The following GADL1 variants were observed in gnomAD, a reference collection of about 807,000 sequenced individuals.
GADL1 encodes the protein GAD like acidic amino acid decarboxylase 1, also known as acidic amino acid decarboxylase GADL1.
Under a neutral mutation model 69.5 loss-of-function variants are expected in GADL1, and 71 were observed. The observed-to-expected ratio is 1.02, with a 90% CI of 0.84 to 1.25. The LOEUF (loss-of-function observed/expected upper bound fraction) is 1.25, where lower values mean the gene tolerates loss of function less well. Among genes scored for constraint, GADL1 ranks in the 50% most tolerant of loss-of-function variants. The pLI, the probability that GADL1 is intolerant of heterozygous loss-of-function variation, is 0.00. For missense variants in GADL1, 737 were observed against 631.8 expected (o/e 1.17, Z -1.79); for synonymous variants, 254 against 214.4 (o/e 1.18, Z -1.62).
chr3:30,756,484 A>G (rs531588811), intron 14 of GADL1, among the ~76,000 whole-genome samples: 10 of 152,314 alleles, frequency 6.6e-5, no homozygotes, highest in African/African-American at 2.4e-4. Context: ...GTGCCTTTGA[A>G]GTTCCTACTA....
At chr3:30,775,823 G>A (rs1220500447) in intron 14 of GADL1, among the ~76,000 whole-genome samples, 3 of 152,194 alleles carry the variant, frequency 2.0e-5, no homozygotes, top group Non-Finnish European at 2.9e-5. Context: ...CAGGCTGGGT[G>A]CGGTGGCTCA....
intron 6 of GADL1, among the ~76,000 whole-genome samples, chr3:30,845,716 G>T (rs1223420496): frequency 1.3e-5 from 2 of 152,138 alleles, no homozygotes; most frequent in East Asian, 1.9e-4. Context: ...GTACAAGAAA[G>T]TGTAATTAAT....
At position 30,726,197 on chromosome 3, in the gene GADL1, T is replaced by G. The variant is rs185729896; in HGVS notation, c.*2045A>C. 6.6e-6 allele frequency: 1 copy of G among 152,268 alleles called. No homozygotes were observed. Among genetic ancestry groups the G allele is most frequent in the African/African-American group, 2.4e-5 (1 of 41,562 alleles). 9.4% of individuals were successfully genotyped at this position (152,268 alleles called of 1,614,324 possible). A position where few individuals can be genotyped will look rare whatever the true frequency, so the allele number is the denominator to read the frequency against. On this transcript the variant is annotated 3_prime_UTR_variant, in exon 15 of 15. Transcript: ENST00000282538. Reference sequence around the variant, plus strand: ...AAAGACTAAACAAGAGAGTCCACTCTTTGCTATAACTGCTTTTTCCATTTT... The same window carrying G: ...AAAGACTAAACAAGAGAGTCCACTCGTTGCTATAACTGCTTTTTCCATTTT...
chr3:30,759,209 G>A (rs1696059922), intron 14 of GADL1, among the ~76,000 whole-genome samples: 1 of 152,110 alleles, frequency 6.6e-6, no homozygotes, highest in Non-Finnish European at 1.5e-5. Flanking sequence ...TTCTAGGGTA[G>A]GACTTAGACA....
intron 14 of GADL1, among the ~76,000 whole-genome samples, chr3:30,736,373 C>G (rs1482093602): frequency 6.6e-6 from 1 of 152,092 alleles, no homozygotes; most frequent in African/African-American, 2.4e-5. Flanking sequence ...CTCTTCCATT[C>G]AGAGCCGATA....
chr3:30,752,060 A>G (rs763963494), intron 14 of GADL1, among the ~76,000 whole-genome samples: 2 of 152,198 alleles, frequency 1.3e-5, no homozygotes, highest in South Asian at 2.1e-4. Context: ...ACCCAGGCCC[A>G]TGTGCTGAAA....
chr3:30,782,942 ACAAG>A (rs1348454495), intron 13 of GADL1, among the ~76,000 whole-genome samples: 2 of 152,200 alleles, frequency 1.3e-5, no homozygotes, highest in East Asian at 1.9e-4. Flanking sequence ...TTATTAGATT[ACAAG>A]ATAACAATGT....
intron 1 of GADL1, among the ~76,000 whole-genome samples, chr3:30,872,319 G>GT (rs2125541434): frequency 6.6e-6 from 1 of 151,990 alleles, no homozygotes; most frequent in Non-Finnish European, 1.5e-5. Context: ...CTCAGGAGCT[G>GT]TATCTTCCTT....
At chr3:30,728,707 G>A (rs542455277) in intron 14 of GADL1, among the ~76,000 whole-genome samples, 1 of 152,180 alleles carries the variant, frequency 6.6e-6, no homozygotes, top group Non-Finnish European at 1.5e-5. Flanking sequence ...GTATCTCAAG[G>A]TCCCAGGCAT....
chr3:30,861,608 T>G lies in GADL1; in HGVS notation c.195A>C (p.Thr65=). 1 of 1,547,830 alleles carries G rather than the reference T, an allele frequency of 6.5e-7. No homozygotes were observed. The highest frequency in any genetic ancestry group is 8.7e-7 in the Non-Finnish European group (1 of 1,145,202). The part of the protein sequence containing the change: ...LIMEEVVLKA[T]DVNEKVCEWR... Reference sequence around the variant, plus strand: ...TAATTTTTACCTTCTCATTGACATCTGTAGCTTTCAAAACCACCTCTTCCA... The same window carrying G: ...TAATTTTTACCTTCTCATTGACATCGGTAGCTTTCAAAACCACCTCTTCCA... Residue 65 remains threonine, a synonymous_variant, in exon 2 of 15, where the codon ACA becomes ACC. Coordinates refer to ENST00000282538, the MANE Select transcript of GADL1 (RefSeq NM_207359.3).
At chr3:30,764,053 G>A (rs528482850) in intron 14 of GADL1, among the ~76,000 whole-genome samples, 19 of 152,132 alleles carry the variant, frequency 1.2e-4, no homozygotes, top group African/African-American at 4.1e-4. Flanking sequence ...AAAATACTCC[G>A]TAATTTGGTC....
chr3:30,819,606 T>A (rs1002559417), intron 11 of GADL1, among the ~76,000 whole-genome samples: 1 of 151,954 alleles, frequency 6.6e-6, no homozygotes, highest in Non-Finnish European at 1.5e-5. Flanking sequence ...TGCCCTCAAA[T>A]GTAAAATAGC....
At chr3:30,735,845 G>T (rs1386216998) in intron 14 of GADL1, among the ~76,000 whole-genome samples, 3 of 152,110 alleles carry the variant, frequency 2.0e-5, no homozygotes, top group Admixed American at 1.3e-4. Flanking sequence ...AATGGGAACT[G>T]CATGGCTCAA....
At position 30,834,272 on chromosome 3, in the gene GADL1, C is replaced by G. The variant is rs868631584; in HGVS notation, c.913G>C (p.Gly305Arg). The G allele has an allele frequency of 1.9e-6, 3 of 1,612,246 alleles. No homozygotes were observed. The highest frequency in any genetic ancestry group is 1.7e-6 in the Non-Finnish European group (2 of 1,178,712). Reference sequence around the variant, plus strand: ...TTCCTCGACATCAAAGCTGAGCCACCCCAAGAAGCCTGTTGAGATATTTAC... The same window carrying G: ...TTCCTCGACATCAAAGCTGAGCCACGCCAAGAAGCCTGTTGAGATATTTAC... The part of the protein sequence containing the change: ...SLWLHVDASW[G>R]GSALMSRKHR... The change falls in exon 10 of 15, where the codon GGT becomes CGT. Residue 305 changes from glycine to arginine, a missense_variant. Transcript: ENST00000282538.
chr3:30,765,644 ACT>A (rs1222661032), intron 14 of GADL1, among the ~76,000 whole-genome samples: 2 of 151,856 alleles, frequency 1.3e-5, no homozygotes, highest in Non-Finnish European at 2.9e-5. Context: ...GCATCTTAAA[ACT>A]CTGGGTAATT....
chr3:30,811,690 GTTAAT>G (rs933300673), intron 11 of GADL1, among the ~76,000 whole-genome samples: 133 of 152,054 alleles, frequency 8.7e-4, no homozygotes, highest in African/African-American at 3.1e-3. Flanking sequence ...ATTCTGTTCT[GTTAAT>G]TTAAAGGAAA....
chr3:30,732,747 A>T (rs1483678954), intron 14 of GADL1, among the ~76,000 whole-genome samples: 1 of 152,236 alleles, frequency 6.6e-6, no homozygotes, highest in East Asian at 1.9e-4. Flanking sequence ...TAACAAGAAC[A>T]GTTTTTCAAA....
At chr3:30,809,727 A>G (rs1026869546) in intron 11 of GADL1, among the ~76,000 whole-genome samples, 7 of 152,338 alleles carry the variant, frequency 4.6e-5, no homozygotes, top group Non-Finnish European at 1.0e-4. Flanking sequence ...GTGGGATTGT[A>G]GAGAACTTTC....
intron 11 of GADL1, among the ~76,000 whole-genome samples, chr3:30,819,191 G>C (rs1419561666): frequency 7.6e-6 from 1 of 130,996 alleles, no homozygotes; most frequent in African/African-American, 3.7e-5. Context: ...ATTCTTTCTT[G>C]GTGCCCCGGG....
Sources: gnomAD v4.1 joint callset for allele counts (sites outside exome capture counted in the v4.1 genomes callset) on GRCh38, gnomAD v4.1.1 for gene constraint, MANE v1.5 for transcripts, NCBI Gene and HGNC (gene_info 2026-07-23, HGNC 2026-07-21) for gene names.